AMZ1: variants seen among roughly 807,000 people sequenced by gnomAD.
AMZ1 encodes archaemetzincin-1.
In AMZ1, 39 loss-of-function variants were observed where a neutral mutation model predicts 29.9. That is an observed-to-expected ratio of 1.30 (90% CI 1.01 to 1.70). The LOEUF (loss-of-function observed/expected upper bound fraction) is 1.70, where lower values mean the gene tolerates loss of function less well. Ranked by LOEUF, AMZ1 falls within the 40% of genes most tolerant of loss-of-function variation. AMZ1 has a pLI of 0.00. For missense variants in AMZ1, 1,041 were observed against 680.6 expected (o/e 1.53, Z -5.89); for synonymous variants, 458 against 304.0 (o/e 1.51, Z -5.27).
chr7:2,725,816 G>C lies in AMZ1; in HGVS notation n.550+16000G>C, dbSNP rs191961729. On this transcript the variant is annotated intron_variant and non_coding_transcript_variant, in intron 4 of 4. Transcript: ENST00000489665. Reference sequence around the variant, plus strand: ...GGTCCAACACAACGCCTCACAAAACGATCACGAGATTGAAAGGCTGATGTC... The same window carrying C: ...GGTCCAACACAACGCCTCACAAAACCATCACGAGATTGAAAGGCTGATGTC... 6.2e-3 allele frequency among the ~76,000 whole-genome samples: 943 copies of C among 152,320 alleles called. 8 individuals carry two copies. Among genetic ancestry groups the C allele is most frequent in the African/African-American group, 0.022 (902 of 41,572 alleles).
At position 2,719,061 on chromosome 7, in the gene AMZ1, T is replaced by C. The variant is rs866286950; in HGVS notation, c.*6183T>C. ...GAAGTGAGATCAAACTTCTACCACATTCTACCTGTGCCCTTCTGGGTGGGT... is the reference window on the plus strand; with the variant it reads ...GAAGTGAGATCAAACTTCTACCACACTCTACCTGTGCCCTTCTGGGTGGGT... On this transcript the variant is annotated 3_prime_UTR_variant, in exon 7 of 7. Transcript: ENST00000683327. Among the ~76,000 whole-genome samples, 14 of 151,864 alleles carry C rather than the reference T, an allele frequency of 9.2e-5. No homozygotes were observed. In the Middle Eastern group the frequency reaches 0.01, roughly 111 times the overall value.
intron 6 of AMZ1, 45 bp downstream of exon 6, chr7:2,709,861 CGGAGGCCCGCGAGCGCCGCCT>C (rs1562373585): frequency 2.5e-6 from 4 of 1,596,754 alleles, no homozygotes; most frequent in East Asian, 2.3e-5. Flanking sequence ...ACCTGCGCTC[CGGAGGCCCGCGAGCGCCGCCT>C]GGAGGCTACG....
chr7:2,764,249 T>C (rs368699386), upstream of AMZ1, among the ~76,000 whole-genome samples: 36,571 of 149,464 alleles, frequency 0.24, 4,846 homozygotes, highest in Non-Finnish European at 0.29. Context: ...AATTTCTTTT[T>C]TTTTTTTTTT....
downstream of AMZ1, among the ~76,000 whole-genome samples, chr7:2,722,541 G>C (rs1031252546): frequency 1.3e-5 from 2 of 152,210 alleles, no homozygotes; most frequent in East Asian, 3.9e-4. Flanking sequence ...CAAGTGCTGG[G>C]ATTACAGGCG....
chr7:2,703,260 C>T (rs1015759110), intron 3 of AMZ1, among the ~76,000 whole-genome samples: 3 of 152,176 alleles, frequency 2.0e-5, no homozygotes, highest in Non-Finnish European at 4.4e-5. Context: ...TCTCCTGCCT[C>T]AGCCTTCTGA....
chr7:2,685,104 C>G (rs1295917212), upstream of AMZ1, among the ~76,000 whole-genome samples: 1 of 151,550 alleles, frequency 6.6e-6, no homozygotes, highest in Non-Finnish European at 1.5e-5. Flanking sequence ...CTTCTGACCT[C>G]GTGATCCGCC....
At chr7:2,710,453 C>T (rs1025786700) in intron 6 of AMZ1, among the ~76,000 whole-genome samples, 14 of 152,240 alleles carry the variant, frequency 9.2e-5, no homozygotes, top group African/African-American at 3.4e-4. Flanking sequence ...GGCACCAGAG[C>T]AGTCAATGAA....
At chr7:2,726,087 T>A (rs990309068) in intron 4 of AMZ1, among the ~76,000 whole-genome samples, 1 of 152,218 alleles carries the variant, frequency 6.6e-6, no homozygotes, top group Non-Finnish European at 1.5e-5. Flanking sequence ...CCTCCTGAAT[T>A]TCAAGCAATC....
At chr7:2,709,988 C>T (rs1168347939) in intron 6 of AMZ1, among the ~76,000 whole-genome samples, 172 bp downstream of exon 6, 1 of 152,246 alleles carries the variant, frequency 6.6e-6, no homozygotes, top group African/African-American at 2.4e-5. Flanking sequence ...CCATCCGGAT[C>T]TCACTGGCAG....
chr7:2,703,668 G>A (rs2115121961), intron 3 of AMZ1, among the ~76,000 whole-genome samples: 1 of 152,312 alleles, frequency 6.6e-6, no homozygotes, highest in East Asian at 1.9e-4. Context: ...GGGCTGGAAT[G>A]AGCGGATGGA....
Position 2,709,124 on chromosome 7 carries a change from G to A in AMZ1, c.651G>A (p.Ser217=), listed in dbSNP as rs59438885. Residue 217 remains serine, a synonymous_variant, in exon 5 of 7, where the codon TCG becomes TCA. Transcript: ENST00000683327. The stretch of plus-strand genomic sequence containing the variant: ...GGTTCTCAGGGGAATTCCCGAAGTC[G>A]GGGCCCAGCGCCCCTGATCTGGCCC... ...FARFSGEFPK[S]GPSAPDLALV... is the part of the protein sequence containing the mutation. The A allele has an allele frequency of 3.2e-4, 511 of 1,598,932 alleles. 4 individuals carry two copies. In the East Asian group the frequency reaches 7.4e-3, roughly 23 times the overall value.
At chr7:2,725,167 G>C (rs1195645691) in intron 4 of AMZ1, among the ~76,000 whole-genome samples, 2 of 152,224 alleles carry the variant, frequency 1.3e-5, no homozygotes, top group Admixed American at 6.5e-5. Context: ...TTATCTGCCA[G>C]GGACTAGTTC....
At chr7:2,753,102 A>G (rs1791116367) in intron 4 of AMZ1, among the ~76,000 whole-genome samples, 1 of 151,880 alleles carries the variant, frequency 6.6e-6, no homozygotes. Flanking sequence ...TTCTGTTCCT[A>G]TAGTTTTGCC....
intron 4 of AMZ1, among the ~76,000 whole-genome samples, chr7:2,744,194 G>A (rs1284054200): frequency 6.6e-6 from 1 of 152,218 alleles, no homozygotes. Context: ...GCACGCAGCT[G>A]GAGATCTGAG....
At chr7:2,703,024 T>A (rs1788151441) in intron 3 of AMZ1, 135 bp downstream of exon 3, 1 of 1,295,810 alleles carries the variant, frequency 7.7e-7, no homozygotes, top group East Asian at 2.7e-5. Flanking sequence ...CCCAGGTGTT[T>A]GGGAAGCAGG....
intron 4 of AMZ1, among the ~76,000 whole-genome samples, chr7:2,750,016 G>C (rs1790952682): frequency 6.6e-6 from 1 of 152,298 alleles, no homozygotes; most frequent in South Asian, 2.1e-4. Context: ...CAAATTTGGT[G>C]AAAGACATAA....
chr7:2,693,615 G>A (rs1369611690), intron 1 of AMZ1, among the ~76,000 whole-genome samples: 1 of 152,186 alleles, frequency 6.6e-6, no homozygotes, highest in Non-Finnish European at 1.5e-5. Context: ...GAGTGCAGTG[G>A]CGCGATCTCC....
Position 2,700,697 on chromosome 7 carries a change from C to G in AMZ1, c.246C>G (p.Ala82=), listed in dbSNP as rs144711878. The part of the protein sequence containing the change: ...EAPEDFQTFH[A]SLQHRKPRLA... ...CCGAGGACTTCCAGACCTTCCACGC[C>G]TCCCTGCAGCACCGGAAGCCCCGCC... The change falls in exon 2 of 7, where the codon GCC becomes GCG. Residue 82 remains alanine, a synonymous_variant. Transcript: ENST00000683327. 3.1e-6 allele frequency: 5 copies of G among 1,613,054 alleles called. No homozygotes were observed. The highest frequency in any genetic ancestry group is 4.2e-6 in the Non-Finnish European group (5 of 1,180,042).
chr7:2,710,807 G>A (rs999059968), intron 6 of AMZ1, among the ~76,000 whole-genome samples: 1 of 152,234 alleles, frequency 6.6e-6, no homozygotes, highest in Admixed American at 6.5e-5. Context: ...GAGGGTAGGA[G>A]CATCTCCCGA....
Sources: gnomAD v4.1 joint callset for allele counts (sites outside exome capture counted in the v4.1 genomes callset) on GRCh38, gnomAD v4.1.1 for gene constraint, MANE v1.5 for transcripts, NCBI Gene and HGNC (gene_info 2026-07-23, HGNC 2026-07-21) for gene names.